TMEM209: variants seen among roughly 807,000 people sequenced by gnomAD.
TMEM209 encodes testicular tissue protein Li 202.
A neutral mutation model predicts 76.2 loss-of-function variants in TMEM209; 65 were observed. The ratio of observed to expected loss-of-function variants is 0.85; its 90% CI spans 0.70 to 1.05. The LOEUF (loss-of-function observed/expected upper bound fraction) is 1.05. Ranked by LOEUF, TMEM209 falls within the 50% of genes least tolerant of loss-of-function variation. TMEM209 has a pLI of 0.00. For missense variants in TMEM209, 623 were observed against 685.5 expected (o/e 0.91, Z 1.02); for synonymous variants, 239 against 237.6 (o/e 1.01, Z -0.06).
intron 6 of TMEM209, among the ~76,000 whole-genome samples, chr7:130,190,854 T>C (rs1797769337): frequency 6.6e-6 from 1 of 151,578 alleles, no homozygotes; most frequent in Non-Finnish European, 1.5e-5. Context: ...AAAATTAGCA[T>C]GGCATGGTGG....
At chr7:130,169,395 A>AG (rs1796990432) in intron 14 of TMEM209, among the ~76,000 whole-genome samples, 1 of 152,220 alleles carries the variant, frequency 6.6e-6, no homozygotes, top group Admixed American at 6.5e-5. Flanking sequence ...CCTAATAAAC[A>AG]GGTGAAATTA....
intron 5 of TMEM209, among the ~76,000 whole-genome samples, chr7:130,194,439 T>C (rs1299834791): frequency 2.0e-5 from 3 of 152,098 alleles, no homozygotes; most frequent in Non-Finnish European, 2.9e-5. Flanking sequence ...AGCAAGACCC[T>C]ATCTCTTAAA....
At chr7:130,191,826 G>A (rs1797806539) in intron 6 of TMEM209, among the ~76,000 whole-genome samples, 1 of 152,172 alleles carries the variant, frequency 6.6e-6, no homozygotes, top group Non-Finnish European at 1.5e-5. Flanking sequence ...TAAAGTTTCA[G>A]TAGACTCAAA....
chr7:130,184,159 T>C (rs1797515574), intron 8 of TMEM209, 25 bp downstream of exon 8: 5 of 1,537,938 alleles, frequency 3.3e-6, no homozygotes, highest in Non-Finnish European at 3.6e-6. Context: ...ACTAATATTG[T>C]CCAAAGAGTA....
chr7:130,202,469 T>G (rs1798246316), intron 4 of TMEM209, 63 bp downstream of exon 4: 2 of 1,544,370 alleles, frequency 1.3e-6, no homozygotes, highest in Admixed American at 4.1e-5. Flanking sequence ...ATGGGAAAAT[T>G]AAACTGAGAA....
At chr7:130,172,816 TG>T (rs1562885076) in intron 13 of TMEM209, among the ~76,000 whole-genome samples, 1 of 151,624 alleles carries the variant, frequency 6.6e-6, no homozygotes, top group Admixed American at 6.6e-5. Flanking sequence ...CTGGCCAACA[TG>T]GTGAAACCCC....
At chr7:130,171,136 A>C (rs115672690) in intron 13 of TMEM209, among the ~76,000 whole-genome samples, 1 of 152,152 alleles carries the variant, frequency 6.6e-6, no homozygotes, top group Non-Finnish European at 1.5e-5. Context: ...AGCTATTCTG[A>C]GGTTGGTGCC....
chr7:130,177,952 G>A (rs911516710), intron 10 of TMEM209, among the ~76,000 whole-genome samples: 16 of 152,210 alleles, frequency 1.1e-4, no homozygotes, highest in African/African-American at 3.6e-4. Flanking sequence ...AAATTCTAAC[G>A]TTATGAATTG....
chr7:130,181,564 GT>G, intron 9 of TMEM209, 58 bp downstream of exon 9: 2 of 1,449,610 alleles, frequency 1.4e-6, no homozygotes, highest in Non-Finnish European at 1.9e-6. Context: ...ATTACAAGAA[GT>G]TTTCCACTTG....
chr7:130,173,174 T>C (rs1217199007), intron 13 of TMEM209, among the ~76,000 whole-genome samples: 4 of 152,174 alleles, frequency 2.6e-5, no homozygotes, highest in Admixed American at 2.6e-4. Context: ...GGAGAGACTC[T>C]GTCTCTACAA....
At chr7:130,202,201 T>C in intron 4 of TMEM209, 110 bp from the exon 5 acceptor site, 1 of 1,336,312 alleles carries the variant, frequency 7.5e-7, no homozygotes, top group South Asian at 1.5e-5. Flanking sequence ...TTAACAGAGT[T>C]ACTTGGTTGT....
intron 5 of TMEM209, among the ~76,000 whole-genome samples, chr7:130,200,151 C>CTA (rs67450804): frequency 6.4e-4 from 95 of 148,674 alleles, no homozygotes; most frequent in African/African-American, 1.9e-3. Flanking sequence ...TTCTCTCTCT[C>CTA]TATATATATA....
rs62491980 is a variant in TMEM209, at chr7:130,205,362, C to A, written c.3+11G>T. ...AAGACAGGAAGCACAAACACGACCC[C>A]GAAAACGCACCATGTCCTCTGGCCG... On this transcript the variant is annotated intron_variant, in intron 1 of 14. Transcript: ENST00000397622. 0.067 allele frequency: 107,469 copies of A among 1,613,944 alleles called. 4,285 individuals are homozygous for A. Among genetic ancestry groups the A allele is most frequent in the Middle Eastern group, 0.15 (882 of 6,062 alleles).
At chr7:130,195,197 A>C (rs1350821250) in intron 5 of TMEM209, among the ~76,000 whole-genome samples, 1 of 152,184 alleles carries the variant, frequency 6.6e-6, no homozygotes, top group Non-Finnish European at 1.5e-5. Context: ...GACTGATTAG[A>C]ATTGCATACA....
rs776522190 is a variant in TMEM209 at position 130,201,872 on chromosome 7, G to A, written c.551C>T (p.Ser184Leu). The A allele has an allele frequency of 3.1e-5, 50 of 1,613,766 alleles. No individual in the cohort carries two copies. Among genetic ancestry groups the A allele is most frequent in the East Asian group, 6.7e-5 (3 of 44,892 alleles). Residue 184 changes from serine to leucine, a missense_variant, in exon 5 of 15, where the codon TCG becomes TTG. By Grantham distance (145) the Ser-to-Leu change is moderately radical. Coordinates refer to ENST00000397622, the MANE Select transcript of TMEM209 (RefSeq NM_032842.4). ...TACCTTATTATAACCACTGACGGGCGAGTAGGTCACTCCAGGGCTATAAGA... is the reference window on the plus strand; with the variant it reads ...TACCTTATTATAACCACTGACGGGCAAGTAGGTCACTCCAGGGCTATAAGA... Reference protein sequence around the residue: ...SGSYSPGVTYSPVSGYNKLAS... With the variant: ...SGSYSPGVTYLPVSGYNKLAS...
intron 5 of TMEM209, among the ~76,000 whole-genome samples, chr7:130,196,013 C>G (rs1290300329): frequency 2.0e-5 from 3 of 152,232 alleles, no homozygotes; most frequent in Middle Eastern, 3.4e-3. Flanking sequence ...ATCCTGTTTT[C>G]TAACTCAAGT....
intron 8 of TMEM209, chr7:130,182,031 C>G (rs989760498): frequency 8.8e-6 from 2 of 228,172 alleles, no homozygotes; most frequent in Middle Eastern, 1.9e-3. Flanking sequence ...ACCTCCACTT[C>G]CCAAGTTCAA....
intron 13 of TMEM209, among the ~76,000 whole-genome samples, chr7:130,171,492 GA>G (rs1011508152): frequency 2.7e-5 from 4 of 148,988 alleles, no homozygotes; most frequent in African/African-American, 4.9e-5. Flanking sequence ...TAAGAACAAG[GA>G]AAAAAAAACA....
Position 130,192,712 on chromosome 7 carries a change from G to A in TMEM209, c.685C>T (p.Pro229Ser), listed in dbSNP as rs1173815386. Residue 229 changes from proline (P) to serine (S), a missense_variant, in exon 6 of 15, where the codon CCT (proline) becomes TCT (serine). Coordinates refer to ENST00000397622, the MANE Select transcript of TMEM209 (RefSeq NM_032842.4). ...YRSSPTVYNS[P>S]TDKEDYMTDL... is the part of the protein sequence containing the mutation. Reference sequence around the variant, plus strand: ...GTCATGTAGTCTTCTTTGTCAGTAGGTGAGTTGTAGACGGTAGGTGAAGAA... The same window carrying A: ...GTCATGTAGTCTTCTTTGTCAGTAGATGAGTTGTAGACGGTAGGTGAAGAA... 6.2e-7 allele frequency: 1 copy of A among 1,613,724 alleles called. No homozygotes were observed. Among genetic ancestry groups the A allele is most frequent in the African/African-American group, 1.3e-5 (1 of 74,910 alleles).
Sources: gnomAD v4.1 joint callset for allele counts (sites outside exome capture counted in the v4.1 genomes callset) on GRCh38, gnomAD v4.1.1 for gene constraint, MANE v1.5 for transcripts, NCBI Gene and HGNC (gene_info 2026-07-23, HGNC 2026-07-21) for gene names.